Variants in SNTG1 observed in about 807,000 individuals in gnomAD.
SNTG1 encodes syntrophin gamma 1, also known as gamma-1-syntrophin.
In SNTG1, 39 loss-of-function variants were observed where a neutral mutation model predicts 74.7. The observed-to-expected ratio is 0.52, with a 90% CI of 0.40 to 0.68. The LOEUF (loss-of-function observed/expected upper bound fraction) is 0.68. SNTG1 is among the 30% of genes least tolerant of loss of function. The pLI is 0.00. For synonymous variants in SNTG1, 254 were observed against 217.1 expected (o/e 1.17, Z -1.49); for missense variants, 685 against 609.5 (o/e 1.12, Z -1.30).
intron 11 of SNTG1, among the ~76,000 whole-genome samples, chr8:50,537,885 T>A (rs989563172): frequency 6.6e-6 from 1 of 152,146 alleles, no homozygotes; most frequent in Non-Finnish European, 1.5e-5. Context: ...CAAAAACAGG[T>A]GGCAGGCTAG....
chr8:50,672,214 T>A (rs1586034130), intron 15 of SNTG1, among the ~76,000 whole-genome samples: 1 of 151,970 alleles, frequency 6.6e-6, no homozygotes, highest in African/African-American at 2.4e-5. Context: ...AAAAAATGTC[T>A]GGATCAAATG....
chr8:50,678,545 G>A (rs1344427243), intron 15 of SNTG1, among the ~76,000 whole-genome samples: 3 of 151,972 alleles, frequency 2.0e-5, no homozygotes, highest in African/African-American at 4.8e-5. Context: ...GAATATTTAA[G>A]GAACATATCT....
chr8:50,551,905 C>G (rs1421419223), intron 11 of SNTG1, among the ~76,000 whole-genome samples: 1 of 152,022 alleles, frequency 6.6e-6, no homozygotes, highest in East Asian at 1.9e-4. Flanking sequence ...TACCATGTGC[C>G]CAGTTCTGAG....
chr8:50,044,622 A>G (rs1379560734), intron 1 of SNTG1, among the ~76,000 whole-genome samples: 1 of 152,208 alleles, frequency 6.6e-6, no homozygotes, highest in Non-Finnish European at 1.5e-5. Context: ...TCTGTAAAAT[A>G]ATCTGGAATA....
chr8:49,965,797 C>T (rs780263463), intron 1 of SNTG1, among the ~76,000 whole-genome samples: 5 of 152,150 alleles, frequency 3.3e-5, no homozygotes, highest in Admixed American at 6.5e-5. Context: ...TTATCATCCT[C>T]CTCTTTTATC....
chr8:50,462,998 G>A (rs2093579870), intron 8 of SNTG1, among the ~76,000 whole-genome samples: 1 of 151,790 alleles, frequency 6.6e-6, no homozygotes, highest in African/African-American at 2.4e-5. Context: ...TGTATTTTTA[G>A]TAGAGATGGG....
intron 1 of SNTG1, among the ~76,000 whole-genome samples, chr8:50,125,737 C>T (rs1013276568): frequency 1.0e-5 from 1 of 96,716 alleles, no homozygotes; most frequent in Non-Finnish European, 2.5e-5. Context: ...GACTTGTTTC[C>T]TAAGTGCTTA....
intron 17 of SNTG1, among the ~76,000 whole-genome samples, chr8:50,710,913 T>G (rs915245952): frequency 2.0e-5 from 3 of 152,324 alleles, no homozygotes; most frequent in African/African-American, 7.2e-5. Flanking sequence ...TTCTGATTCT[T>G]TCATTGGAAG....
At chr8:50,343,144 A>G (rs1440958628) in intron 2 of SNTG1, among the ~76,000 whole-genome samples, 2 of 152,204 alleles carry the variant, frequency 1.3e-5, no homozygotes, top group Admixed American at 6.5e-5. Flanking sequence ...TATGTCGCTC[A>G]TAGGAATTGC....
chr8:49,943,462 T>C (rs775267199), intron 1 of SNTG1, among the ~76,000 whole-genome samples: 11 of 152,224 alleles, frequency 7.2e-5, no homozygotes, highest in Non-Finnish European at 1.2e-4. Flanking sequence ...TTGTTCTTCC[T>C]GAAACAGAAC....
chr8:50,074,548 A>C (rs1821654446), intron 1 of SNTG1, among the ~76,000 whole-genome samples: 1 of 152,224 alleles, frequency 6.6e-6, no homozygotes, highest in South Asian at 2.1e-4. Flanking sequence ...CACATTTATC[A>C]ATTAAGTTTG....
intron 18 of SNTG1, among the ~76,000 whole-genome samples, chr8:50,767,893 C>T (rs952871963): frequency 5.3e-5 from 8 of 151,942 alleles, no homozygotes; most frequent in Admixed American, 5.3e-4. Context: ...TAGCTTTATT[C>T]ATTGAATTTC....
At chr8:50,064,448 T>C (rs993357146) in intron 1 of SNTG1, among the ~76,000 whole-genome samples, 3 of 152,206 alleles carry the variant, frequency 2.0e-5, no homozygotes, top group African/African-American at 7.2e-5. Flanking sequence ...ATTTGTACAT[T>C]CATCTCCTAA....
rs566667985 is a variant in SNTG1, at chr8:50,417,570, A to T, written c.162+15226A>T. On this transcript the variant is annotated intron_variant, in intron 4 of 18. Transcript: ENST00000642720. ...GTGGCTCACGTAAGATATAAATAAGAGTGTGCTTTTCTCACCTTTCATGAA... is the reference window on the plus strand; with the variant it reads ...GTGGCTCACGTAAGATATAAATAAGTGTGTGCTTTTCTCACCTTTCATGAA... Among the ~76,000 whole-genome samples the T allele has an allele frequency of 1.2e-4, 18 of 152,242 alleles. 1 individual carries two copies. The highest frequency in any genetic ancestry group is 4.1e-4 in the African/African-American group (17 of 41,550).
intron 18 of SNTG1, among the ~76,000 whole-genome samples, chr8:50,771,343 G>A (rs1442261362): frequency 6.6e-6 from 1 of 152,118 alleles, no homozygotes; most frequent in Non-Finnish European, 1.5e-5. Flanking sequence ...GAACCTGACT[G>A]CATTATGTCG....
At chr8:50,399,210 A>AGT (rs5891363) in intron 3 of SNTG1, among the ~76,000 whole-genome samples, 236 of 151,054 alleles carry the variant, frequency 1.6e-3, no homozygotes, top group Middle Eastern at 3.4e-3. Context: ...TGTGTTTGTG[A>AGT]GTGTGTGTGT....
intron 13 of SNTG1, among the ~76,000 whole-genome samples, chr8:50,649,295 C>T (rs1182468524): frequency 1.3e-5 from 2 of 151,952 alleles, no homozygotes; most frequent in Admixed American, 6.6e-5. Context: ...GTCAGGAGTG[C>T]AAGACCAGCC....
chr8:49,940,004 A>T (rs1251476457), intron 1 of SNTG1, among the ~76,000 whole-genome samples: 1 of 152,244 alleles, frequency 6.6e-6, no homozygotes, highest in East Asian at 1.9e-4. Context: ...ATGAGAGGAT[A>T]TTTGAATTCG....
intron 17 of SNTG1, among the ~76,000 whole-genome samples, chr8:50,728,067 G>A (rs1262672643): frequency 1.3e-5 from 2 of 152,116 alleles, no homozygotes; most frequent in Non-Finnish European, 2.9e-5. Context: ...GAGCAGCTGG[G>A]AAAGGTGATA....
Sources: allele counts gnomAD v4.1 joint callset (sites outside exome capture counted in the v4.1 genomes callset), GRCh38; gene constraint gnomAD v4.1.1; transcripts MANE v1.5; gene names NCBI Gene and HGNC (gene_info 2026-07-23, HGNC 2026-07-21).